The following CACNA1C variants were observed in gnomAD, a reference collection of about 807,000 sequenced individuals.
CACNA1C encodes the protein calcium voltage-gated channel subunit alpha1 C.
Under a neutral mutation model 229.0 loss-of-function variants are expected in CACNA1C, and 30 were observed. The ratio of observed to expected loss-of-function variants is 0.13; its 90% confidence interval spans 0.10 to 0.18. The LOEUF (loss-of-function observed/expected upper bound fraction) is 0.18, where lower values mean the gene tolerates loss of function less well. Ranked by LOEUF, CACNA1C falls within the 10% of genes least tolerant of loss-of-function variation. CACNA1C has a pLI of 1.00. For missense variants in CACNA1C, 1,658 were observed against 2,845.0 expected (o/e 0.58, Z 9.49); for synonymous variants, 1,114 against 1,132.5 (o/e 0.98, Z 0.33).
rs1349302420 is a variant in CACNA1C at position 2,152,151 on chromosome 12, T to C, written c.477+31721T>C. Among the ~76,000 whole-genome samples the C allele has an allele frequency of 6.6e-6, 1 of 152,228 alleles. No homozygotes were observed. The highest frequency in any genetic ancestry group is 1.9e-4 in the East Asian group (1 of 5,200). On this transcript the variant is annotated intron_variant, in intron 3 of 46. Transcript: ENST00000399655. This position sits in a 1 kb window ranked among gnomAD's most constrained non-coding sequence, Gnocchi z 4.2. ...CGTTGCAATGGACCACATTATGGCA[T>C]GCACATTAATGTAGGGATTGTTCAT...
chr12:2,430,073 C>A (rs750888276), intron 3 of CACNA1C, among the ~76,000 whole-genome samples: 2 of 152,088 alleles, frequency 1.3e-5, no homozygotes, highest in Non-Finnish European at 2.9e-5. Flanking sequence ...AGGGCTCATT[C>A]GTGGATGGCT....
chr12:2,061,951 A>G (rs1374557720), intron 1 of CACNA1C, among the ~76,000 whole-genome samples: 1 of 152,222 alleles, frequency 6.6e-6, no homozygotes, highest in Admixed American at 6.5e-5. Flanking sequence ...GTAGCTCCCT[A>G]AGACACTGAT....
Position 2,239,118 on chromosome 12 carries a change from C to G in CACNA1C, c.477+118688C>G, listed in dbSNP as rs907974663. Among the ~76,000 whole-genome samples the G allele has an allele frequency of 2.0e-5, 3 of 152,282 alleles. No homozygotes were observed. In the East Asian group the frequency reaches 5.8e-4, roughly 29 times the overall value. On this transcript the variant is annotated intron_variant, in intron 3 of 46. Transcript: ENST00000399655. ...TTTACTCCTAGTTTTACTACAATAACCTGACTGGGAAAGCGTCCGTGGGCA... is the reference window on the plus strand; with the variant it reads ...TTTACTCCTAGTTTTACTACAATAAGCTGACTGGGAAAGCGTCCGTGGGCA...
At chr12:2,426,731 G>A (rs2096313844) in intron 3 of CACNA1C, among the ~76,000 whole-genome samples, 1 of 152,198 alleles carries the variant, frequency 6.6e-6, no homozygotes, top group Admixed American at 6.5e-5. Context: ...AGTGTCTGCT[G>A]TCAGCTGGTG....
At chr12:2,594,964 G>T (rs2067392518) in intron 19 of CACNA1C, among the ~76,000 whole-genome samples, 1 of 152,206 alleles carries the variant, frequency 6.6e-6, no homozygotes, top group Non-Finnish European at 1.5e-5. Flanking sequence ...CTGCCCTCCT[G>T]GCTGGCTCTC....
At chr12:2,094,439 T>C (rs2072889410) in intron 1 of CACNA1C, among the ~76,000 whole-genome samples, 3 of 152,166 alleles carry the variant, frequency 2.0e-5, no homozygotes. Context: ...AATTCAGGGG[T>C]GGAGGTGGGC....
At chr12:2,686,378 G>C (rs1378478190) in intron 45 of CACNA1C, 109 bp downstream of exon 45, 3 of 888,100 alleles carry the variant, frequency 3.4e-6, no homozygotes, top group Admixed American at 3.4e-5. Flanking sequence ...GTCTCAGATG[G>C]CTGGCACGTC....
rs368251248 is a variant in CACNA1C at position 2,244,549 on chromosome 12, C to T, written c.477+124119C>T. 7.0e-4 allele frequency among the ~76,000 whole-genome samples: 107 copies of T among 152,334 alleles called. 1 individual carries two copies. In the South Asian group the frequency reaches 0.022, roughly 31 times the overall value. ...TAACCATGTTGTGCCCACTACCTTT[C>T]AGGCTGCACACACTTCCCTCTGTGT... On this transcript the variant is annotated intron_variant, in intron 3 of 46. Coordinates refer to ENST00000399655, the MANE Select transcript of CACNA1C (RefSeq NM_000719.7).
Position 2,142,788 on chromosome 12 carries a change from A to G in CACNA1C, c.477+22358A>G, listed in dbSNP as rs533707772. Among the ~76,000 whole-genome samples, 3 of 151,450 alleles carry G rather than the reference A, an allele frequency of 2.0e-5. 1 individual carries two copies. In the South Asian group the frequency reaches 6.3e-4, roughly 32 times the overall value. On this transcript the variant is annotated intron_variant, in intron 3 of 46. Transcript: ENST00000399655. The stretch of plus-strand genomic sequence containing the variant: ...CTTGAAAGTTAAGAAAATGTTACAA[A>G]TAGAAAAAAGCTTATAGAATATGGA...
chr12:2,497,186 G>A (rs915357635), intron 7 of CACNA1C, among the ~76,000 whole-genome samples: 3 of 152,212 alleles, frequency 2.0e-5, no homozygotes, highest in Non-Finnish European at 4.4e-5. Context: ...GGACCTTGTC[G>A]ATAGGATTCA....
rs117339786 is a variant in CACNA1C, at chr12:2,644,907, G to A, written c.3913-3568G>A. ...ATAAGCATATTGAAGGAAGGAAATC[G>A]TCTTTCCTTTCTGTTTGCCCTGAGC... On this transcript the variant is annotated intron_variant, in intron 30 of 46. Coordinates refer to ENST00000399655, the MANE Select transcript of CACNA1C (RefSeq NM_000719.7). 1.2e-3 allele frequency among the ~76,000 whole-genome samples: 182 copies of A among 152,258 alleles called. 3 individuals are homozygous for A. In the East Asian group the frequency reaches 0.025, roughly 21 times the overall value.
chr12:2,459,220 T>A (rs1466816905), intron 5 of CACNA1C, among the ~76,000 whole-genome samples: 1 of 150,036 alleles, frequency 6.7e-6, no homozygotes, highest in Non-Finnish European at 1.5e-5. Context: ...TTTCACCATG[T>A]TAGCTAGGAT....
intron 3 of CACNA1C, among the ~76,000 whole-genome samples, chr12:2,407,299 C>T (rs1451632515): frequency 6.6e-6 from 1 of 151,794 alleles, no homozygotes; most frequent in African/African-American, 2.4e-5. Context: ...GGAGCCTCAT[C>T]ATGACCCAGT....
At chr12:2,524,706 G>A (rs1266138914) in intron 9 of CACNA1C, among the ~76,000 whole-genome samples, 1 of 152,240 alleles carries the variant, frequency 6.6e-6, no homozygotes, top group Non-Finnish European at 1.5e-5. Flanking sequence ...TCTGCATCGG[G>A]CCAGCAGAAG....
intron 1 of CACNA1C, among the ~76,000 whole-genome samples, chr12:2,013,494 A>G (rs1188522379): frequency 6.6e-6 from 1 of 152,256 alleles, no homozygotes; most frequent in Non-Finnish European, 1.5e-5. Context: ...TAATGGTTAT[A>G]ATTTTTAATT....
chr12:2,313,752 T>C (rs932831698), intron 3 of CACNA1C, among the ~76,000 whole-genome samples: 1 of 152,196 alleles, frequency 6.6e-6, no homozygotes, highest in Non-Finnish European at 1.5e-5. Context: ...AGGGTCTTTC[T>C]TGGTGAAGCA....
chr12:2,679,610 T>G lies in CACNA1C; in HGVS notation c.5258T>G (p.Phe1753Cys). ...CACGAGAAGCTGGTGGACTCCACCT[T>G]CACCCCGAGCAGCTACTCGTCCACC... is the stretch of plus-strand genomic sequence containing the variant. ...PSHEKLVDST[F>C]TPSSYSSTGS... The change falls in exon 42 of 47, where the codon TTC (phenylalanine) becomes TGC (cysteine). Residue 1753 changes from phenylalanine to cysteine, a missense_variant. Around this residue, in one of 20 missense-constraint regions of CACNA1C, gnomAD observed 590 missense variants for 700.8 expected, o/e 0.84. Transcript: ENST00000399655. This position sits in a 1 kb window ranked among gnomAD's most constrained non-coding sequence, Gnocchi z 5.5. The G allele has an allele frequency of 5.6e-6, 9 of 1,613,842 alleles. No individual in the cohort carries two copies. Among genetic ancestry groups the G allele is most frequent in the Non-Finnish European group, 6.8e-6 (8 of 1,179,834 alleles).
rs192106239 is a variant in CACNA1C, at chr12:2,348,459, G to A, written c.478-100517G>A. Among the ~76,000 whole-genome samples, 9 of 152,350 alleles carry A rather than the reference G, an allele frequency of 5.9e-5. No individual in the cohort carries two copies. The East Asian group carries it at 7.7e-4, about 13-fold the overall frequency. On this transcript the variant is annotated intron_variant, in intron 3 of 46. Coordinates refer to ENST00000399655, the MANE Select transcript of CACNA1C (RefSeq NM_000719.7). The surrounding 1 kb of genome is among the most constrained non-coding windows in gnomAD (Gnocchi z 4.7). ...TGTAAGAACCCCCTTTCCCGTTGGC[G>A]TGTATGGTGTCTTCTCGCTGAGCCA...
intron 1 of CACNA1C, among the ~76,000 whole-genome samples, chr12:2,059,798 A>G (rs2056764359): frequency 6.6e-6 from 1 of 152,174 alleles, no homozygotes; most frequent in South Asian, 2.1e-4. Flanking sequence ...ATGTAACTAA[A>G]TACAAGGTCT....
Sources: allele counts gnomAD v4.1 joint callset (sites outside exome capture counted in the v4.1 genomes callset), GRCh38; gene constraint gnomAD v4.1.1; regional missense constraint gnomAD v4.1.1; non-coding constraint Gnocchi (gnomAD v3.1); transcripts MANE v1.5; gene names NCBI Gene and HGNC (gene_info 2026-07-23, HGNC 2026-07-21).